UBAC2: variants seen among roughly 807,000 people sequenced by gnomAD.
UBAC2 encodes the protein UBA domain containing 2.
Under a neutral mutation model 44.0 loss-of-function variants are expected in UBAC2, and 26 were observed. The observed-to-expected ratio is 0.59, with a 90% CI of 0.43 to 0.82. The LOEUF is 0.82. Ranked by LOEUF, UBAC2 falls within the 40% of genes least tolerant of loss-of-function variation. The probability of loss-of-function intolerance (pLI) is 0.00; values close to 1 mark genes in which losing one functional copy is unlikely to be tolerated. For synonymous variants in UBAC2, 155 were observed against 154.3 expected, an observed-to-expected ratio of 1.00 and a Z score of -0.04; for missense variants, 329 against 419.4, an observed-to-expected ratio of 0.78 and a Z score of 1.88.
At chr13:99,363,728 A>C (rs187750109) in intron 7 of UBAC2, among the ~76,000 whole-genome samples, 3 of 152,364 alleles carry the variant, frequency 2.0e-5, no homozygotes, top group Non-Finnish European at 2.9e-5. Context: ...ACGTATATAC[A>C]CACCCAAGAA....
chr13:99,241,578 G>A (rs1237049510), intron 2 of UBAC2, among the ~76,000 whole-genome samples: 1 of 152,096 alleles, frequency 6.6e-6, no homozygotes, highest in Non-Finnish European at 1.5e-5. Context: ...GTGTTTCCTG[G>A]GGCTAAGGGG....
intron 8 of UBAC2, among the ~76,000 whole-genome samples, chr13:99,381,894 A>G (rs927426401): frequency 4.6e-5 from 7 of 152,380 alleles, no homozygotes; most frequent in Middle Eastern, 3.4e-3. Flanking sequence ...TTATTATCAA[A>G]TAGATGGTTT....
At chr13:99,262,704 C>T (rs1365980534) in intron 4 of UBAC2, among the ~76,000 whole-genome samples, 4 of 55,100 alleles carry the variant, frequency 7.3e-5, no homozygotes, top group Admixed American at 2.6e-4. Flanking sequence ...GAGCAGAACT[C>T]CCTCTCAAAA....
intron 1 of UBAC2, 36 bp downstream of exon 1, chr13:99,200,975 A>G: frequency 7.7e-7 from 1 of 1,297,204 alleles, no homozygotes; most frequent in Non-Finnish European, 9.9e-7. Context: ...GCTGCCCCCT[A>G]CACGCCACCC....
intron 1 of UBAC2, chr13:99,201,179 C>T (rs1254514639): frequency 7.2e-7 from 1 of 1,397,334 alleles, no homozygotes; most frequent in Non-Finnish European, 9.3e-7. Context: ...CACCTGGTAT[C>T]CCCAGGTGCT....
intron 4 of UBAC2, among the ~76,000 whole-genome samples, chr13:99,272,108 C>G (rs752781548): frequency 1.1e-4 from 17 of 152,064 alleles, no homozygotes; most frequent in Non-Finnish European, 2.4e-4. Context: ...GGGCTCAGTC[C>G]CAGCTCTCTT....
At chr13:99,215,602 C>T (rs2042983008) in intron 1 of UBAC2, 1 of 1,328,282 alleles carries the variant, frequency 7.5e-7, no homozygotes, top group Non-Finnish European at 1.1e-6. Context: ...GCGCTGTACA[C>T]AGCGGCAGTT....
At chr13:99,307,221 A>G (rs1316720267) in intron 4 of UBAC2, 1 of 152,210 alleles carries the variant, frequency 6.6e-6, no homozygotes. Context: ...TTTTGTTAGA[A>G]GTGATGGTAG....
At chr13:99,262,806 T>C (rs1317478553) in intron 4 of UBAC2, among the ~76,000 whole-genome samples, 5 of 148,494 alleles carry the variant, frequency 3.4e-5, no homozygotes, top group African/African-American at 9.9e-5. Context: ...ACCTATATAA[T>C]AGTGTGTGTG....
intron 1 of UBAC2, among the ~76,000 whole-genome samples, chr13:99,211,300 C>A (rs1002527319): frequency 1.3e-5 from 2 of 152,134 alleles, no homozygotes; most frequent in Non-Finnish European, 2.9e-5. Context: ...GATTTGACTC[C>A]GATTTGCCTG....
intron 4 of UBAC2, among the ~76,000 whole-genome samples, chr13:99,301,578 A>G (rs2044257334): frequency 6.6e-6 from 1 of 152,064 alleles, no homozygotes; most frequent in South Asian, 2.1e-4. Flanking sequence ...TTGAGATATT[A>G]TCATCTCATT....
intron 1 of UBAC2, among the ~76,000 whole-genome samples, chr13:99,207,586 T>C (rs2042887521): frequency 6.6e-6 from 1 of 152,230 alleles, no homozygotes; most frequent in East Asian, 1.9e-4. Flanking sequence ...CGTCCCGCTA[T>C]ACCATTGAGC....
intron 4 of UBAC2, among the ~76,000 whole-genome samples, chr13:99,278,734 T>TTATAACCCTA (rs1193018216): frequency 6.6e-6 from 1 of 152,362 alleles, no homozygotes; most frequent in East Asian, 1.9e-4. Context: ...TTAATTCCTA[T>TTATAACCCTA]TTAAAAAATA....
rs57466771 is a variant in UBAC2, at chr13:99,237,271, T to TAC, written c.32-1130_32-1129dup. 8.4e-3 allele frequency among the ~76,000 whole-genome samples: 1,222 copies of TAC among 145,008 alleles called. 9 individuals carry two copies. The highest frequency in any genetic ancestry group is 0.019 in the African/African-American group (748 of 39,264). ...TTTTATGCGTATATATATATATATA[T>TAC]ACACACACACACACACACACACACA... On this transcript the variant is annotated intron_variant, in intron 1 of 8. Coordinates refer to ENST00000403766, the MANE Select transcript of UBAC2 (RefSeq NM_001144072.2).
At chr13:99,320,506 G>A (rs577378182) in intron 6 of UBAC2, among the ~76,000 whole-genome samples, 3 of 152,060 alleles carry the variant, frequency 2.0e-5, no homozygotes, top group South Asian at 2.1e-4. Flanking sequence ...CAAAGTTACC[G>A]GCCTTCTACT....
At chr13:99,384,275 A>C (rs2045589925) in intron 8 of UBAC2, among the ~76,000 whole-genome samples, 1 of 152,354 alleles carries the variant, frequency 6.6e-6, no homozygotes, top group East Asian at 1.9e-4. Context: ...AACATGTACA[A>C]GACTGTTGAC....
chr13:99,296,593 AT>A (rs201001697), intron 4 of UBAC2, among the ~76,000 whole-genome samples: 2 of 151,536 alleles, frequency 1.3e-5, no homozygotes, highest in African/African-American at 4.9e-5. Flanking sequence ...TTTCAGTTGG[AT>A]TTTTTTTTAA....
At chr13:99,337,014 T>G (rs1423424730) in intron 6 of UBAC2, among the ~76,000 whole-genome samples, 3 of 151,948 alleles carry the variant, frequency 2.0e-5, no homozygotes, top group Non-Finnish European at 4.4e-5. Context: ...GTCATCATCT[T>G]TGCGCTTTCC....
chr13:99,383,739 C>T (rs1036933506), intron 8 of UBAC2, among the ~76,000 whole-genome samples: 1 of 139,822 alleles, frequency 7.2e-6, no homozygotes, highest in Non-Finnish European at 1.7e-5. Flanking sequence ...ATGACATGGG[C>T]GGCACCCCCC....
Sources: allele counts gnomAD v4.1 joint callset (sites outside exome capture counted in the v4.1 genomes callset), GRCh38; gene constraint gnomAD v4.1.1; transcripts MANE v1.5; gene names NCBI Gene and HGNC (gene_info 2026-07-23, HGNC 2026-07-21).